The following INPP5A variants were observed in gnomAD, a reference collection of about 807,000 sequenced individuals.
The protein encoded by INPP5A is 43 kDa inositol polyphosphate 5-phophatase.
In INPP5A, 14 loss-of-function variants were observed where a neutral mutation model predicts 65.2. The observed-to-expected ratio is 0.21, with a 90% CI of 0.14 to 0.34. The LOEUF (loss-of-function observed/expected upper bound fraction) is 0.34, where lower values mean the gene tolerates loss of function less well. Ranked by LOEUF, INPP5A falls within the 10% of genes least tolerant of loss-of-function variation. INPP5A has a pLI of 1.00. For missense variants in INPP5A, 431 were observed against 545.6 expected (o/e 0.79, Z 2.09); for synonymous variants, 207 against 208.3 (o/e 0.99, Z 0.05).
chr10:132,557,069 T>C (rs1346071221), intron 1 of INPP5A, among the ~76,000 whole-genome samples: 1 of 152,256 alleles, frequency 6.6e-6, no homozygotes, highest in Non-Finnish European at 1.5e-5. Context: ...GTTTCTTTTG[T>C]ATGCTGTGAC....
At chr10:132,754,714 C>A (rs888217832) in intron 11 of INPP5A, among the ~76,000 whole-genome samples, 4 of 152,246 alleles carry the variant, frequency 2.6e-5, no homozygotes, top group African/African-American at 9.6e-5. Context: ...GGCAGGATGC[C>A]GGCCGAGGAA....
rs1174727821 is a variant in INPP5A, at chr10:132,616,577, G to T, written c.117+8621G>T. Among the ~76,000 whole-genome samples, 3 of 152,016 alleles carry T rather than the reference G, an allele frequency of 2.0e-5. No individual in the cohort carries two copies. The highest frequency in any genetic ancestry group is 2.9e-5 in the Non-Finnish European group (2 of 67,990). Reference sequence around the variant, plus strand: ...GTGACATAGTGTGTGTTGGTGATAGGGGATGGGGTGGTGACATGGGATGTG... The same window carrying T: ...GTGACATAGTGTGTGTTGGTGATAGTGGATGGGGTGGTGACATGGGATGTG... On this transcript the variant is annotated intron_variant, in intron 2 of 15. Transcript: ENST00000368594. The surrounding 1 kb of genome is among the most constrained non-coding windows in gnomAD (Gnocchi z 4.9).
Position 132,616,309 on chromosome 10 carries a change from T to G in INPP5A, c.117+8353T>G, listed in dbSNP as rs1287283312. On this transcript the variant is annotated intron_variant, in intron 2 of 15. Transcript: ENST00000368594. The surrounding 1 kb of genome is among the most constrained non-coding windows in gnomAD (Gnocchi z 4.9). ...GAGGACCACAGTGGCAGATGTGCAGTGTGGGGCATGTGGCGTGCAGGGACG... is the reference window on the plus strand; with the variant it reads ...GAGGACCACAGTGGCAGATGTGCAGGGTGGGGCATGTGGCGTGCAGGGACG... Among the ~76,000 whole-genome samples the G allele has an allele frequency of 6.6e-6, 1 of 152,044 alleles. No homozygotes were observed. Among genetic ancestry groups the G allele is most frequent in the Non-Finnish European group, 1.5e-5 (1 of 68,006 alleles).
chr10:132,707,657 C>T lies in INPP5A; in HGVS notation c.475-656C>T, dbSNP rs951981275. The stretch of plus-strand genomic sequence containing the variant: ...CATCTCGAGGGGAGCCCTGCCACCT[C>T]TTAAAGAACACCCCTCTTTGGAATC... On this transcript the variant is annotated intron_variant, in intron 6 of 15. Transcript: ENST00000368594. This position sits in a 1 kb window ranked among gnomAD's most constrained non-coding sequence, Gnocchi z 5.5. Among the ~76,000 whole-genome samples the T allele has an allele frequency of 1.2e-4, 18 of 152,204 alleles. No homozygotes were observed. The highest frequency in any genetic ancestry group is 3.9e-4 in the Admixed American group (6 of 15,286).
At chr10:132,595,750 A>AT (rs1472792098) in intron 1 of INPP5A, among the ~76,000 whole-genome samples, 1 of 151,952 alleles carries the variant, frequency 6.6e-6, no homozygotes, top group South Asian at 2.1e-4. Flanking sequence ...CTTCTGTAAT[A>AT]TTTTTCTGCA....
intron 9 of INPP5A, among the ~76,000 whole-genome samples, chr10:132,740,325 GC>G (rs1438182103): frequency 6.6e-6 from 1 of 152,200 alleles, no homozygotes; most frequent in African/African-American, 2.4e-5. Context: ...TCGATTCTGA[GC>G]AGTGGTCCGG....
chr10:132,647,435 A>G (rs933182214), intron 3 of INPP5A, among the ~76,000 whole-genome samples: 2 of 152,172 alleles, frequency 1.3e-5, no homozygotes, highest in Admixed American at 1.3e-4. Context: ...GGCAGTTTTA[A>G]TCAAAATCTT....
rs953670603 is a variant in INPP5A, at chr10:132,674,864, G to C, written c.307-15528G>C. Among the ~76,000 whole-genome samples the C allele has an allele frequency of 1.3e-5, 2 of 152,162 alleles. No individual in the cohort carries two copies. The highest frequency in any genetic ancestry group is 2.4e-5 in the African/African-American group (1 of 41,432). ...GTAGTTACCTGCAGAAGATGGCAGG[G>C]CCTCACTCCAAAATCCTAGAGGCCT... On this transcript the variant is annotated intron_variant, in intron 4 of 15. Transcript: ENST00000368594. This position sits in a 1 kb window ranked among gnomAD's most constrained non-coding sequence, Gnocchi z 4.4.
intron 2 of INPP5A, among the ~76,000 whole-genome samples, chr10:132,609,850 G>A (rs912647293): frequency 6.6e-6 from 1 of 152,190 alleles, no homozygotes; most frequent in African/African-American, 2.4e-5. Flanking sequence ...TCACCACGTT[G>A]ACCAGGCTGG....
chr10:132,552,508 G>A (rs2071068391), intron 1 of INPP5A, among the ~76,000 whole-genome samples: 2 of 138,328 alleles, frequency 1.4e-5, no homozygotes, highest in African/African-American at 5.5e-5. Flanking sequence ...AGTGGGATAG[G>A]GAGGGAGGAT....
At chr10:132,685,695 G>A (rs1185429538) in intron 4 of INPP5A, among the ~76,000 whole-genome samples, 1 of 152,208 alleles carries the variant, frequency 6.6e-6, no homozygotes, top group South Asian at 2.1e-4. Flanking sequence ...CCTTCCAGCC[G>A]GTGGCTCCGT....
intron 1 of INPP5A, among the ~76,000 whole-genome samples, chr10:132,544,278 G>T (rs2070940973): frequency 6.6e-6 from 1 of 152,234 alleles, no homozygotes; most frequent in Non-Finnish European, 1.5e-5. Flanking sequence ...GCTCCGGCCA[G>T]AGCAGAGTGC....
intron 9 of INPP5A, among the ~76,000 whole-genome samples, chr10:132,749,186 C>G (rs1190357776): frequency 6.6e-6 from 1 of 152,268 alleles, no homozygotes; most frequent in African/African-American, 2.4e-5. Flanking sequence ...CAGGCACCCT[C>G]TTTGCTGTTC....
At chr10:132,592,157 A>G (rs1392106090) in intron 1 of INPP5A, among the ~76,000 whole-genome samples, 3 of 150,664 alleles carry the variant, frequency 2.0e-5, no homozygotes, top group Non-Finnish European at 4.4e-5. Context: ...TAAAATACAG[A>G]AAAAAACCCC....
At chr10:132,589,469 C>T (rs917594608) in intron 1 of INPP5A, among the ~76,000 whole-genome samples, 6 of 152,266 alleles carry the variant, frequency 3.9e-5, no homozygotes, top group Non-Finnish European at 7.3e-5. Context: ...CGGTCCAAGC[C>T]GAGGCACTCG....
At chr10:132,760,004 G>A (rs564789163) in intron 11 of INPP5A, among the ~76,000 whole-genome samples, 1 of 152,350 alleles carries the variant, frequency 6.6e-6, no homozygotes, top group South Asian at 2.1e-4. Flanking sequence ...ACCCCACGCC[G>A]TGGACCCTGG....
In INPP5A at chr10:132,651,649, G is replaced by A. The variant is rs2072578644; in HGVS notation, c.306+1144G>A. ...CTTGTTAATCTGCCCTCTCCCAGGT[G>A]GGCCCCCGTAGGCTGCAGTGCTGAG... On this transcript the variant is annotated intron_variant, in intron 4 of 15. Transcript: ENST00000368594. The surrounding 1 kb of genome is among the most constrained non-coding windows in gnomAD (Gnocchi z 5.0). Among the ~76,000 whole-genome samples the A allele has an allele frequency of 6.6e-6, 1 of 152,204 alleles. No individual in the cohort carries two copies. Among genetic ancestry groups the A allele is most frequent in the African/African-American group, 2.4e-5 (1 of 41,438 alleles).
At chr10:132,646,017 G>T in intron 3 of INPP5A, 49 bp downstream of exon 3, 1 of 1,268,832 alleles carries the variant, frequency 7.9e-7, no homozygotes, top group East Asian at 2.4e-5. Flanking sequence ...CAGGGGTGTG[G>T]GGTGCCGGCG....
chr10:132,730,190 CG>C lies in INPP5A; in HGVS notation c.732+3289del, dbSNP rs533885599. Among the ~76,000 whole-genome samples the C allele has an allele frequency of 2.0e-3, 305 of 152,364 alleles. 2 individuals are homozygous for C. The highest frequency in any genetic ancestry group is 2.0e-3 in the Non-Finnish European group (135 of 68,028). On this transcript the variant is annotated intron_variant, in intron 9 of 15. Coordinates refer to ENST00000368594, the MANE Select transcript of INPP5A (RefSeq NM_005539.5). ...CCACCTGCCCTGTCCTCAGCCCCTG[CG>C]GGGCCCTCCCCACCACCTCCTGGTC...
Sources: gnomAD v4.1 joint callset for allele counts (sites outside exome capture counted in the v4.1 genomes callset) on GRCh38, gnomAD v4.1.1 for gene constraint, Gnocchi (gnomAD v3.1) non-coding constraint, MANE v1.5 for transcripts, NCBI Gene and HGNC (gene_info 2026-07-23, HGNC 2026-07-21) for gene names.